The following ARSB variants were observed in gnomAD, a reference collection of about 807,000 sequenced individuals.
ARSB encodes the protein arylsulfatase B, also known as N-acetylgalactosamine-4-sulfatase.
Under a neutral mutation model 50.9 loss-of-function variants are expected in ARSB, and 41 were observed. That is an observed-to-expected ratio of 0.81 (90% CI 0.63 to 1.04). The LOEUF (loss-of-function observed/expected upper bound fraction) is 1.04. ARSB is among the 50% of genes least tolerant of loss of function. ARSB has a pLI of 0.00. For synonymous variants in ARSB, 269 were observed against 284.8 expected (o/e 0.94, Z 0.56); for missense variants, 672 against 693.3 (o/e 0.97, Z 0.35).
chr5:78,818,893 C>T (rs1744106132), intron 6 of ARSB, among the ~76,000 whole-genome samples: 1 of 152,104 alleles, frequency 6.6e-6, no homozygotes, highest in African/African-American at 2.4e-5. Context: ...TTTTGCATTG[C>T]AAGCAGTTGT....
intron 5 of ARSB, among the ~76,000 whole-genome samples, chr5:78,872,240 T>C (rs1404763099): frequency 2.0e-5 from 3 of 151,472 alleles, no homozygotes; most frequent in Non-Finnish European, 2.9e-5. Context: ...AGTTCAACCA[T>C]TGTGGAAGTC....
intron 6 of ARSB, among the ~76,000 whole-genome samples, chr5:78,793,311 C>T (rs1335087015): frequency 6.6e-6 from 1 of 152,178 alleles, no homozygotes; most frequent in Non-Finnish European, 1.5e-5. Context: ...TTCATGCTGC[C>T]TGCAGTGGGC....
intron 6 of ARSB, among the ~76,000 whole-genome samples, chr5:78,787,045 T>G (rs1469993045): frequency 6.6e-6 from 1 of 152,188 alleles, no homozygotes; most frequent in Non-Finnish European, 1.5e-5. Flanking sequence ...ATTTCTGGAC[T>G]CTCGATGCCA....
At chr5:78,943,245 CTG>C (rs1751028756) in intron 4 of ARSB, among the ~76,000 whole-genome samples, 1 of 152,166 alleles carries the variant, frequency 6.6e-6, no homozygotes. Flanking sequence ...ATTTGCCAGT[CTG>C]TGTCTTTTAA....
intron 6 of ARSB, chr5:78,815,639 A>C: frequency 1.0e-6 from 1 of 1,001,574 alleles, no homozygotes; most frequent in Non-Finnish European, 1.2e-6. Flanking sequence ...GCTATTAGGT[A>C]ATAAGAAAAG....
At chr5:78,811,920 A>G (rs951816207) in intron 6 of ARSB, among the ~76,000 whole-genome samples, 2 of 151,684 alleles carry the variant, frequency 1.3e-5, no homozygotes, top group Non-Finnish European at 3.0e-5. Context: ...GTGTATTCAC[A>G]TTTCATCCAT....
intron 5 of ARSB, among the ~76,000 whole-genome samples, chr5:78,871,229 G>A (rs906653983): frequency 1.3e-5 from 2 of 151,882 alleles, no homozygotes; most frequent in African/African-American, 4.8e-5. Flanking sequence ...TCGTGAAAAT[G>A]GCCATACTGC....
intron 6 of ARSB, among the ~76,000 whole-genome samples, chr5:78,830,476 C>A (rs1005863024): frequency 6.6e-6 from 1 of 152,136 alleles, no homozygotes; most frequent in African/African-American, 2.4e-5. Context: ...GCCATTTCTG[C>A]GTAGCCTAGG....
chr5:78,864,914 C>G (rs544630145), intron 5 of ARSB, among the ~76,000 whole-genome samples: 2 of 152,222 alleles, frequency 1.3e-5, no homozygotes, highest in Non-Finnish European at 2.9e-5. Context: ...ATCCAGGTCA[C>G]GCTGATGCAA....
chr5:78,968,729 C>G (rs925203540), intron 2 of ARSB, among the ~76,000 whole-genome samples: 4 of 152,136 alleles, frequency 2.6e-5, no homozygotes, highest in Admixed American at 6.6e-5. Flanking sequence ...TAATAAGGGT[C>G]TCTGAGAGTA....
chr5:78,958,013 C>A (rs6861970), intron 3 of ARSB, among the ~76,000 whole-genome samples: 3 of 151,324 alleles, frequency 2.0e-5, no homozygotes. Context: ...TATAAAAAAA[C>A]TTTTTTGGAA....
chr5:78,803,897 A>C (rs1743478370), intron 6 of ARSB, among the ~76,000 whole-genome samples: 1 of 152,184 alleles, frequency 6.6e-6, no homozygotes, highest in Non-Finnish European at 1.5e-5. Flanking sequence ...TAGACGTTGT[A>C]CTCCAGTGCT....
At position 78,969,197 on chromosome 5, in the gene ARSB, C is replaced by T; in HGVS notation, c.313-5G>A. 1 of 1,613,806 alleles carries T rather than the reference C, an allele frequency of 6.2e-7. No homozygotes were observed. ...GTGCTGTAAACCTGTACGGATCTTA[C>T]AGAGATAAACATAAAATTATAGATT... is the stretch of plus-strand genomic sequence containing the variant. On this transcript the variant is annotated splice_region_variant and splice_polypyrimidine_tract_variant and intron_variant, in intron 1 of 7. Transcript: ENST00000264914.
At chr5:78,959,082 C>T (rs1751868477) in intron 3 of ARSB, among the ~76,000 whole-genome samples, 1 of 152,086 alleles carries the variant, frequency 6.6e-6, no homozygotes, top group African/African-American at 2.4e-5. Flanking sequence ...GGGGAGGGAC[C>T]CAGTGGGAGT....
At chr5:78,925,494 T>C (rs1303360511) in intron 4 of ARSB, among the ~76,000 whole-genome samples, 3 of 152,144 alleles carry the variant, frequency 2.0e-5, no homozygotes, top group African/African-American at 7.2e-5. Context: ...TTATTACTAT[T>C]GGGAGGAAAG....
chr5:78,909,396 T>C (rs1389393597), intron 4 of ARSB, among the ~76,000 whole-genome samples: 2 of 152,144 alleles, frequency 1.3e-5, no homozygotes, highest in African/African-American at 4.8e-5. Flanking sequence ...ATCAGACCAT[T>C]ACTGTCTCTA....
chr5:78,885,195 T>C (rs1281581855), intron 5 of ARSB: 1 of 261,490 alleles, frequency 3.8e-6, no homozygotes, highest in African/African-American at 2.2e-5. Context: ...AATAAACATA[T>C]CCCTAGTTCC....
Position 78,984,988 on chromosome 5 carries a change from C to T in ARSB, c.261G>A (p.Thr87=), listed in dbSNP as rs756411069. 79 of 1,525,998 alleles carry T rather than the reference C, an allele frequency of 5.2e-5. No homozygotes were observed. Among genetic ancestry groups the T allele is most frequent in the Non-Finnish European group, 6.5e-5 (74 of 1,139,220 alleles). The allele number at this position is 1,525,998 out of a possible 1,614,324, so 94.5% of individuals were successfully genotyped here. A position where few individuals can be genotyped will look rare whatever the true frequency, so the allele number is the denominator to read the frequency against. Reference sequence around the variant, plus strand: ...TCCGCGACGGCGTGCACAGCGGCTGCGTGTAGTAGTTGTCCAGGAGCACCC... The same window carrying T: ...TCCGCGACGGCGTGCACAGCGGCTGTGTGTAGTAGTTGTCCAGGAGCACCC... The part of the protein sequence containing the change: ...AGGVLLDNYY[T]QPLCTPSRSQ... Residue 87 remains threonine (T), a synonymous_variant, in exon 1 of 8, where the codon ACG becomes ACA. Transcript: ENST00000264914.
chr5:78,838,569 T>C (rs560649700), intron 6 of ARSB, among the ~76,000 whole-genome samples: 50 of 152,298 alleles, frequency 3.3e-4, no homozygotes, highest in Non-Finnish European at 5.7e-4. Context: ...GGCAGCAGTA[T>C]GTCCAGAAAG....
Sources: allele counts gnomAD v4.1 joint callset (sites outside exome capture counted in the v4.1 genomes callset), GRCh38; gene constraint gnomAD v4.1.1; transcripts MANE v1.5; gene names NCBI Gene and HGNC (gene_info 2026-07-23, HGNC 2026-07-21).